The following KCNA6 variants were observed in gnomAD, a reference collection of about 807,000 sequenced individuals.
KCNA6 encodes human brain potassium channel-2.
A neutral mutation model predicts 29.5 loss-of-function variants in KCNA6; 17 were observed. The observed-to-expected ratio is 0.58, with a 90% CI of 0.39 to 0.86. The LOEUF (loss-of-function observed/expected upper bound fraction) is 0.86, where lower values mean the gene tolerates loss of function less well. Among genes scored for constraint, KCNA6 ranks in the 40% least tolerant of loss-of-function variants. KCNA6 has a pLI of 0.00. For synonymous variants in KCNA6, 296 were observed against 304.7 expected, an observed-to-expected ratio of 0.97 and a Z score of 0.30; for missense variants, 450 against 703.4, an observed-to-expected ratio of 0.64 and a Z score of 4.07.
the KCNA6 span, among the ~76,000 whole-genome samples, chr12:4,818,628 T>C: frequency 6.6e-6 from 1 of 152,196 alleles, no homozygotes; most frequent in Non-Finnish European, 1.5e-5. Context: ...GGTTGTGATG[T>C]CTTTAAAGGC....
downstream of KCNA6, among the ~76,000 whole-genome samples, chr12:4,815,954 G>A (rs1003365566): frequency 4.6e-5 from 7 of 152,100 alleles, no homozygotes; most frequent in African/African-American, 1.4e-4. Flanking sequence ...TAAGTTTTGG[G>A]GGATAATAGA....
the KCNA6 span, among the ~76,000 whole-genome samples, chr12:4,827,806 T>C: frequency 1.6e-4 from 25 of 152,212 alleles, no homozygotes; most frequent in Non-Finnish European, 3.7e-4. Context: ...TTTCGGTGTG[T>C]GTTCATCATT....
chr12:4,836,373 G>A, the KCNA6 span, among the ~76,000 whole-genome samples: 6 of 152,196 alleles, frequency 3.9e-5, no homozygotes, highest in Non-Finnish European at 8.8e-5. Flanking sequence ...CTGGGTAAGT[G>A]AGGAAGAACA....
the KCNA6 span, chr12:4,839,087 G>T: frequency 6.6e-6 from 1 of 152,196 alleles, no homozygotes; most frequent in Non-Finnish European, 1.5e-5. Context: ...GGCAAACTCT[G>T]CTTATGCATA....
the KCNA6 span, among the ~76,000 whole-genome samples, chr12:4,835,697 T>C: frequency 6.6e-6 from 1 of 151,884 alleles, no homozygotes; most frequent in African/African-American, 2.4e-5. Flanking sequence ...ACCTGGAGAG[T>C]CTTGGCTACC....
downstream of KCNA6, chr12:4,814,189 T>G (rs1483911391): frequency 3.6e-5 from 6 of 167,244 alleles, no homozygotes; most frequent in East Asian, 7.7e-4. This position sits in a 1 kb window ranked among gnomAD's most constrained non-coding sequence, Gnocchi z 4.6. Context: ...TGCCTCATCT[T>G]ACTCCTGATT....
At chr12:4,825,367 G>A in the KCNA6 span, among the ~76,000 whole-genome samples, 47 of 152,296 alleles carry the variant, frequency 3.1e-4, no homozygotes, top group African/African-American at 1.0e-3. Flanking sequence ...AAGTCCTGCA[G>A]CAGTAAAACT....
At chr12:4,828,644 T>C in the KCNA6 span, among the ~76,000 whole-genome samples, 386 of 152,338 alleles carry the variant, frequency 2.5e-3, 3 homozygotes, top group Non-Finnish European at 2.3e-3. Context: ...CTCTAAGGGC[T>C]TATGTGTACC....
rs763410020 is a variant in KCNA6 at position 4,810,127 on chromosome 12, C to T, written c.86C>T (p.Pro29Leu). ...GAGCAACAGGATGCGGGAGACTTCCCGGAGGCCGGCGGGGGCGGGGGCTGC... is the reference window on the plus strand; with the variant it reads ...GAGCAACAGGATGCGGGAGACTTCCTGGAGGCCGGCGGGGGCGGGGGCTGC... The change falls in exon 1 of 1, where the codon CCG becomes CTG. Residue 29 changes from proline (P) to leucine (L), a missense_variant. Physicochemically the swap from Pro to Leu is moderately conservative, Grantham distance 98. This residue lies in a region of KCNA6 where 72 missense variants were observed against 64.2 expected (regional missense o/e 1.12). Coordinates refer to ENST00000280684, the Ensembl canonical transcript of KCNA6. This position sits in a 1 kb window ranked among gnomAD's most constrained non-coding sequence, Gnocchi z 7.5. 1.9e-6 allele frequency: 3 copies of T among 1,596,038 alleles called. No homozygotes were observed. The highest frequency in any genetic ancestry group is 1.1e-5 in the South Asian group (1 of 88,184).
chr12:4,827,173 T>TCC, the KCNA6 span, among the ~76,000 whole-genome samples: 2 of 27,288 alleles, frequency 7.3e-5, no homozygotes, highest in African/African-American at 2.8e-4. Flanking sequence ...TCCCTCCTTC[T>TCC]TTCCTTCCTT....
chr12:4,832,942 C>CTAGTT, the KCNA6 span, among the ~76,000 whole-genome samples: 1 of 152,058 alleles, frequency 6.6e-6, no homozygotes, highest in African/African-American at 2.4e-5. Context: ...GGTCAACAAC[C>CTAGTT]TAGTTGAAAA....
At chr12:4,824,992 G>C in the KCNA6 span, among the ~76,000 whole-genome samples, 102 of 152,326 alleles carry the variant, frequency 6.7e-4, no homozygotes, top group African/African-American at 2.2e-3. Context: ...CTGTGTATTA[G>C]AAAAATGTCT....
the KCNA6 span, among the ~76,000 whole-genome samples, chr12:4,846,945 ATTTTTT>A: frequency 7.0e-6 from 1 of 142,696 alleles, no homozygotes. Flanking sequence ...CGCCCAGCTA[ATTTTTT>A]TTTTTTTAAT....
chr12:4,849,993 C>T, the KCNA6 span, among the ~76,000 whole-genome samples: 17 of 152,154 alleles, frequency 1.1e-4, no homozygotes, highest in African/African-American at 3.9e-4. Context: ...TTTAACTTTG[C>T]CCAGGCCACG....
At chr12:4,848,784 A>G in the KCNA6 span, among the ~76,000 whole-genome samples, 2 of 152,230 alleles carry the variant, frequency 1.3e-5, no homozygotes, top group Non-Finnish European at 1.5e-5. Flanking sequence ...TAAACTCTAG[A>G]TCAGATGGAC....
chr12:4,818,225 C>T (rs17177303), downstream of KCNA6, among the ~76,000 whole-genome samples: 1 of 152,168 alleles, frequency 6.6e-6, no homozygotes, highest in Non-Finnish European at 1.5e-5. Flanking sequence ...ATCCTTCCCA[C>T]TGGGAATAGT....
the KCNA6 span, among the ~76,000 whole-genome samples, chr12:4,841,264 C>G: frequency 6.6e-6 from 1 of 152,094 alleles, no homozygotes; most frequent in Non-Finnish European, 1.5e-5. Context: ...GTATCACCAT[C>G]TTTTCTGTGT....
At chr12:4,845,559 A>G in the KCNA6 span, among the ~76,000 whole-genome samples, 1 of 152,190 alleles carries the variant, frequency 6.6e-6, no homozygotes, top group Non-Finnish European at 1.5e-5. Context: ...TGCCTGTTAC[A>G]TGTGAATTTT....
the KCNA6 span, among the ~76,000 whole-genome samples, chr12:4,840,054 T>G: frequency 6.6e-6 from 1 of 152,216 alleles, no homozygotes; most frequent in African/African-American, 2.4e-5. Flanking sequence ...TGGATGGCTA[T>G]GGTAAGAGGC....
Sources: allele counts gnomAD v4.1 joint callset (sites outside exome capture counted in the v4.1 genomes callset), GRCh38; gene constraint gnomAD v4.1.1; regional missense constraint gnomAD v4.1.1; non-coding constraint Gnocchi (gnomAD v3.1); transcripts MANE v1.5; gene names NCBI Gene and HGNC (gene_info 2026-07-23, HGNC 2026-07-21).